TBC1D2B: variants seen among roughly 807,000 people sequenced by gnomAD.
The protein encoded by TBC1D2B is TBC1 domain family, member 2B.
A neutral mutation model predicts 100.8 loss-of-function variants in TBC1D2B; 64 were observed. That is an observed-to-expected ratio of 0.64 (90% CI 0.52 to 0.78). The LOEUF (loss-of-function observed/expected upper bound fraction) is 0.78, where lower values mean the gene tolerates loss of function less well. Ranked by LOEUF, TBC1D2B falls within the 30% of genes least tolerant of loss-of-function variation. The pLI is 0.00. For missense variants in TBC1D2B, 1,052 were observed against 1,218.4 expected, an observed-to-expected ratio of 0.86 and a Z score of 2.03; for synonymous variants, 480 against 479.7, an observed-to-expected ratio of 1.00 and a Z score of -0.01.
At chr15:78,065,517 G>C (rs2073637789) in intron 1 of TBC1D2B, among the ~76,000 whole-genome samples, 1 of 152,198 alleles carries the variant, frequency 6.6e-6, no homozygotes, top group South Asian at 2.1e-4. Flanking sequence ...TTCTGTTTCA[G>C]AGAGAAAGGG....
chr15:78,010,387 T>C (rs1247056444), intron 9 of TBC1D2B, among the ~76,000 whole-genome samples: 1 of 152,034 alleles, frequency 6.6e-6, no homozygotes, highest in Non-Finnish European at 1.5e-5. Context: ...TCAGCTGAAA[T>C]CCAAAACTTC....
At chr15:77,998,452 T>C (rs1401458508) in intron 12 of TBC1D2B, 97 bp from the exon 13 acceptor site, 5 of 1,199,314 alleles carry the variant, frequency 4.2e-6, no homozygotes, top group Non-Finnish European at 5.8e-6. Flanking sequence ...TGGGGCAGGG[T>C]GGGAAGAGCG....
intron 1 of TBC1D2B, among the ~76,000 whole-genome samples, chr15:78,065,030 T>C (rs2141835373): frequency 1.3e-5 from 2 of 152,296 alleles, no homozygotes; most frequent in Middle Eastern, 6.8e-3. Flanking sequence ...AGCACACACC[T>C]AGAACCCATA....
chr15:78,070,617 T>A (rs2073729078), intron 1 of TBC1D2B, among the ~76,000 whole-genome samples: 1 of 152,264 alleles, frequency 6.6e-6, no homozygotes, highest in African/African-American at 2.4e-5. Context: ...TGCCTATTTC[T>A]GTACAATCTA....
rs1355981887 is a variant in TBC1D2B, at chr15:78,077,608, G to A, written c.45C>T (p.Gly15=). 17 of 1,024,140 alleles carry A rather than the reference G, an allele frequency of 1.7e-5. No homozygotes were observed. Among genetic ancestry groups the A allele is most frequent in the Non-Finnish European group, 1.9e-5 (16 of 857,066 alleles). 63.4% of individuals were successfully genotyped at this position (1,024,140 alleles called of 1,614,324 possible). A position where few individuals can be genotyped will look rare whatever the true frequency, so the allele number is the denominator to read the frequency against. ...CGGCCGCCCCCTGCGCCGCGCCCTC[G>A]CCGCCGCCGCCGCCCTCCTCCGCCC... is the stretch of plus-strand genomic sequence containing the variant. ...GARAEEGGGG[G]EGAAQGAAAE... The change falls in exon 1 of 13, where the codon GGC becomes GGT. Residue 15 remains glycine, a synonymous_variant. Transcript: ENST00000300584.
intron 3 of TBC1D2B, chr15:78,034,643 G>T (rs1372218473): frequency 1.0e-6 from 1 of 985,230 alleles, no homozygotes; most frequent in East Asian, 1.1e-4. Flanking sequence ...GCGGTTTTGG[G>T]TTTCCAGCCT....
intron 1 of TBC1D2B, among the ~76,000 whole-genome samples, chr15:78,076,567 A>C (rs2073832256): frequency 6.8e-6 from 1 of 148,148 alleles, no homozygotes; most frequent in Non-Finnish European, 1.5e-5. Flanking sequence ...CAACATAGTG[A>C]GACCCCCGTT....
At chr15:78,000,329 GCTCCTCCT>G (rs2071878757) in intron 12 of TBC1D2B, among the ~76,000 whole-genome samples, 1 of 152,206 alleles carries the variant, frequency 6.6e-6, no homozygotes, top group African/African-American at 2.4e-5. Context: ...ACTCACCTCC[GCTCCTCCT>G]GGCAGCGCCT....
Position 78,031,630 on chromosome 15 carries a change from T to A in TBC1D2B, c.684-1460A>T, listed in dbSNP as rs115770328. ...TGTTTTTAAAAATGCAGTGGAAATA[T>A]GACAAAACTATAAAAATGAGTCATG... is the stretch of plus-strand genomic sequence containing the variant. On this transcript the variant is annotated intron_variant, in intron 3 of 12. Coordinates refer to ENST00000300584, the MANE Select transcript of TBC1D2B (RefSeq NM_144572.2). Among the ~76,000 whole-genome samples, 967 of 147,778 alleles carry A rather than the reference T, an allele frequency of 6.5e-3. 21 individuals are homozygous for A. The highest frequency in any genetic ancestry group is 0.023 in the African/African-American group (923 of 40,094).
intron 6 of TBC1D2B, among the ~76,000 whole-genome samples, chr15:78,019,944 C>T (rs1351338622): frequency 2.6e-5 from 4 of 151,458 alleles, no homozygotes; most frequent in African/African-American, 9.7e-5. Flanking sequence ...GGCTGGAGTG[C>T]AGTAGCATGG....
intron 3 of TBC1D2B, among the ~76,000 whole-genome samples, chr15:78,033,523 A>G (rs1380965857): frequency 1.3e-5 from 2 of 152,244 alleles, no homozygotes; most frequent in African/African-American, 4.8e-5. Context: ...TCAACCGCAA[A>G]GGAACGTGAA....
In TBC1D2B at chr15:78,077,585, G is replaced by C; in HGVS notation, c.68C>G (p.Ala23Gly). 1 of 1,312,684 alleles carries C rather than the reference G, an allele frequency of 7.6e-7. No individual in the cohort carries two copies. The allele number at this position is 1,312,684 out of a possible 1,614,324, so 81.3% of individuals were successfully genotyped here. A position where few individuals can be genotyped will look rare whatever the true frequency, so the allele number is the denominator to read the frequency against. ...CGCCGGACCCGCCCCGGGCTCCGCG[G>C]CCGCCCCCTGCGCCGCGCCCTCGCC... ...GGGEGAAQGA[A>G]AEPGAGPARE... is the part of the protein sequence containing the mutation. The change falls in exon 1 of 13, where the codon GCC becomes GGC. Residue 23 changes from alanine to glycine, a missense_variant. By Grantham distance (60) the Ala-to-Gly change is moderately conservative (BLOSUM62 0). This residue lies in a region of TBC1D2B where 627 missense variants were observed against 646.1 expected (regional missense o/e 0.97). Coordinates refer to ENST00000300584, the MANE Select transcript of TBC1D2B (RefSeq NM_144572.2).
At chr15:78,033,325 C>T (rs2072863385) in intron 3 of TBC1D2B, among the ~76,000 whole-genome samples, 1 of 152,018 alleles carries the variant, frequency 6.6e-6, no homozygotes, top group Admixed American at 6.6e-5. Context: ...ATCCCTAAAG[C>T]AATAAAAGGA....
chr15:78,053,748 C>A, intron 2 of TBC1D2B: 1 of 301,976 alleles, frequency 3.3e-6, no homozygotes, highest in Non-Finnish European at 6.1e-6. Flanking sequence ...GAAAGGCTGG[C>A]CCTGCAGTCA....
chr15:78,006,530 A>G (rs1435658294), intron 10 of TBC1D2B, among the ~76,000 whole-genome samples: 1 of 152,244 alleles, frequency 6.6e-6, no homozygotes, highest in African/African-American at 2.4e-5. Context: ...CCCTCTGGGA[A>G]GGTGAGAGCT....
intron 1 of TBC1D2B, among the ~76,000 whole-genome samples, chr15:78,057,339 T>C (rs915471083): frequency 6.6e-6 from 1 of 151,988 alleles, no homozygotes; most frequent in Non-Finnish European, 1.5e-5. Flanking sequence ...GTTTGTTTCC[T>C]TTCAAAAAAA....
intron 3 of TBC1D2B, among the ~76,000 whole-genome samples, chr15:78,040,892 GAGAA>G (rs1198102149): frequency 1.4e-3 from 51 of 37,256 alleles, no homozygotes; most frequent in African/African-American, 1.8e-3. Context: ...GAGAGAGAGA[GAGAA>G]AGAAAGAAAG....
At chr15:78,074,485 A>T (rs961267396) in intron 1 of TBC1D2B, among the ~76,000 whole-genome samples, 1 of 152,240 alleles carries the variant, frequency 6.6e-6, no homozygotes. Flanking sequence ...TTTCTTTAAA[A>T]AAAGAAATAT....
At position 78,009,130 on chromosome 15, in the gene TBC1D2B, G is replaced by A. The variant is rs1472087273; in HGVS notation, c.2271-16C>T. The stretch of plus-strand genomic sequence containing the variant: ...TGCCACCAACCTACAAGCAAAGGGA[G>A]GACAAGATGAGAGCCCAGGCACAGA... On this transcript the variant is annotated splice_polypyrimidine_tract_variant and intron_variant, in intron 9 of 12. Transcript: ENST00000300584. The A allele has an allele frequency of 1.9e-6, 3 of 1,556,994 alleles. No homozygotes were observed. The highest frequency in any genetic ancestry group is 2.7e-5 in the African/African-American group (2 of 73,696).
Sources: allele counts gnomAD v4.1 joint callset (sites outside exome capture counted in the v4.1 genomes callset), GRCh38; gene constraint gnomAD v4.1.1; regional missense constraint gnomAD v4.1.1; transcripts MANE v1.5; gene names NCBI Gene and HGNC (gene_info 2026-07-23, HGNC 2026-07-21).